Variants in CACNA1B observed in about 807,000 individuals in gnomAD.
CACNA1B encodes the protein calcium voltage-gated channel subunit alpha1 B.
In CACNA1B, 70 loss-of-function variants were observed where a neutral mutation model predicts 247.2. The ratio of observed to expected loss-of-function variants is 0.28; its 90% CI spans 0.23 to 0.35. CACNA1B has a LOEUF of 0.35. Among genes scored for constraint, CACNA1B ranks in the 10% least tolerant of loss-of-function variants. The pLI, the probability that CACNA1B is intolerant of heterozygous loss-of-function variation, is 1.00. For synonymous variants in CACNA1B, 1,231 were observed against 1,294.4 expected (o/e 0.95, Z 1.05); for missense variants, 2,367 against 3,197.4 (o/e 0.74, Z 6.26).
chr9:138,120,992 TC>T, intron 46 of CACNA1B, 111 bp downstream of exon 46: 1 of 1,298,132 alleles, frequency 7.7e-7, no homozygotes, highest in Non-Finnish European at 1.0e-6. Flanking sequence ...CCTTTGTCAT[TC>T]CCAGCAACCC....
chr9:137,987,887 G>A (rs1276648884), intron 15 of CACNA1B, among the ~76,000 whole-genome samples: 1 of 152,220 alleles, frequency 6.6e-6, no homozygotes, highest in Non-Finnish European at 1.5e-5. Context: ...CTGCCAGGCA[G>A]AGCCAGCTCT....
intron 20 of CACNA1B, among the ~76,000 whole-genome samples, chr9:138,033,777 G>A (rs539256610): frequency 5.3e-5 from 8 of 152,236 alleles, no homozygotes; most frequent in Admixed American, 1.3e-4. Context: ...ATCCTATCTC[G>A]TGAGACTCAC....
intron 20 of CACNA1B, among the ~76,000 whole-genome samples, chr9:138,038,537 TC>T (rs546891701): frequency 4.7e-4 from 72 of 152,218 alleles, no homozygotes; most frequent in African/African-American, 1.7e-3. Context: ...GGAGTTTGCA[TC>T]CCCCAAGGTG....
rs528123963 is a variant in CACNA1B, at chr9:137,947,215, G to A, written c.967-5059G>A. 2.0e-5 allele frequency among the ~76,000 whole-genome samples: 3 copies of A among 152,296 alleles called. No individual in the cohort carries two copies. The South Asian group carries it at 6.2e-4, about 32-fold the overall frequency. ...TAAAGTTAAACCCTATGCTAATGAA[G>A]ACTTGGCCCACGAGCAGCCTGATTG... On this transcript the variant is annotated intron_variant, in intron 6 of 46. Transcript: ENST00000371372.
chr9:138,024,245 T>C (rs1589075904), intron 19 of CACNA1B, among the ~76,000 whole-genome samples: 1 of 151,792 alleles, frequency 6.6e-6, no homozygotes, highest in Non-Finnish European at 1.5e-5. Flanking sequence ...CAGAGCGGGG[T>C]GTGGGGGCCA....
chr9:138,099,539 A>C (rs1961180445), intron 37 of CACNA1B, among the ~76,000 whole-genome samples: 1 of 143,958 alleles, frequency 6.9e-6, no homozygotes, highest in Admixed American at 6.9e-5. Context: ...CTGTGTGTGC[A>C]TGTGCCTTTG....
chr9:138,085,328 TAGTA>T (rs769397947), intron 36 of CACNA1B, among the ~76,000 whole-genome samples: 14 of 150,600 alleles, frequency 9.3e-5, no homozygotes, highest in African/African-American at 9.9e-5. Context: ...CATTTGAAAT[TAGTA>T]AGAGGGAAAG....
At chr9:137,964,017 C>A (rs1196209807) in intron 10 of CACNA1B, among the ~76,000 whole-genome samples, 1 of 152,166 alleles carries the variant, frequency 6.6e-6, no homozygotes, top group African/African-American at 2.4e-5. Context: ...GAATATTGGC[C>A]CCCAATCTCT....
At chr9:137,885,286 G>T (rs1257868873) in intron 3 of CACNA1B, among the ~76,000 whole-genome samples, 3 of 152,032 alleles carry the variant, frequency 2.0e-5, no homozygotes, top group Non-Finnish European at 4.4e-5. Flanking sequence ...TGCTGCTCTC[G>T]TGTGGGGCAC....
At chr9:138,066,927 A>G (rs1259300767) in intron 31 of CACNA1B, among the ~76,000 whole-genome samples, 2 of 152,212 alleles carry the variant, frequency 1.3e-5, no homozygotes, top group African/African-American at 4.8e-5. Flanking sequence ...GAGAGAATCA[A>G]TAAAGTCTAA....
At position 137,974,598 on chromosome 9, in the gene CACNA1B, C is replaced by T. The variant is rs957511934; in HGVS notation, c.1544-1309C>T. On this transcript the variant is annotated intron_variant, in intron 11 of 46. Transcript: ENST00000371372. The surrounding 1 kb of genome is among the most constrained non-coding windows in gnomAD (Gnocchi z 4.5). ...TGCCCCCGACCGAGGCTGTCTGGAC[C>T]TGTGCAGCACAGCCCTTGGTGGAGG... 1.1e-4 allele frequency among the ~76,000 whole-genome samples: 16 copies of T among 152,230 alleles called. No individual in the cohort carries two copies. Among genetic ancestry groups the T allele is most frequent in the Non-Finnish European group, 1.9e-4 (13 of 68,036 alleles).
chr9:138,099,313 G>A (rs891735796), intron 37 of CACNA1B, among the ~76,000 whole-genome samples: 1 of 150,756 alleles, frequency 6.6e-6, no homozygotes, highest in African/African-American at 2.5e-5. Flanking sequence ...GTTGACGTTT[G>A]TGTGTGCACA....
In CACNA1B at chr9:137,888,013, G is replaced by T. The variant is rs1459025605; in HGVS notation, c.530+5130G>T. Among the ~76,000 whole-genome samples, 1 of 151,868 alleles carries T rather than the reference G, an allele frequency of 6.6e-6. No homozygotes were observed. Among genetic ancestry groups the T allele is most frequent in the Admixed American group, 6.5e-5 (1 of 15,270 alleles). On this transcript the variant is annotated intron_variant, in intron 3 of 46. Transcript: ENST00000371372. The surrounding 1 kb of genome is among the most constrained non-coding windows in gnomAD (Gnocchi z 4.7). Reference sequence around the variant, plus strand: ...GGGAGAGGCTGGGAGGGTGGCGGGGGCAGGGGGGCCTTGGCTCGGGCGTTG... The same window carrying T: ...GGGAGAGGCTGGGAGGGTGGCGGGGTCAGGGGGGCCTTGGCTCGGGCGTTG...
rs1959291586 is a variant in CACNA1B, at chr9:138,051,818, T to G, written c.3711-274T>G. On this transcript the variant is annotated intron_variant, in intron 24 of 46. Transcript: ENST00000371372. The surrounding 1 kb of genome is among the most constrained non-coding windows in gnomAD (Gnocchi z 4.3). ...ATCCTGGAATCTGGGGTGGGAGGGG[T>G]GTCAGGGGTGATGGTTCTTCTCCTT... 1.3e-5 allele frequency among the ~76,000 whole-genome samples: 2 copies of G among 151,546 alleles called. No individual in the cohort carries two copies. The highest frequency in any genetic ancestry group is 4.9e-5 in the African/African-American group (2 of 41,190).
At chr9:137,910,831 C>CTG (rs1957352130) in intron 3 of CACNA1B, among the ~76,000 whole-genome samples, 1 of 152,184 alleles carries the variant, frequency 6.6e-6, no homozygotes, top group Non-Finnish European at 1.5e-5. Context: ...CAGTACTGGT[C>CTG]TGTGGCCTGA....
rs757649366 is a variant in CACNA1B, at chr9:137,891,829, G to T, written c.530+8946G>T. 1 of 356,190 alleles carries T rather than the reference G, an allele frequency of 2.8e-6. No individual in the cohort carries two copies. The highest frequency in any genetic ancestry group is 5.6e-6 in the Non-Finnish European group (1 of 179,262). The allele number at this position is 356,190 out of a possible 1,614,324, so 22.1% of individuals were successfully genotyped here. A position where few individuals can be genotyped will look rare whatever the true frequency, so the allele number is the denominator to read the frequency against. On this transcript the variant is annotated intron_variant, in intron 3 of 46. Transcript: ENST00000371372. This position sits in a 1 kb window ranked among gnomAD's most constrained non-coding sequence, Gnocchi z 4.3. ...GCATCTCTACTCCAGCCAGACGGAC[G>T]CTAACGCAGATTCATTCCTAGCAGG...
At chr9:138,035,426 A>G (rs1347574870) in intron 20 of CACNA1B, among the ~76,000 whole-genome samples, 1 of 152,224 alleles carries the variant, frequency 6.6e-6, no homozygotes, top group African/African-American at 2.4e-5. Flanking sequence ...TGATCGTGCC[A>G]CTGCACTTCA....
intron 34 of CACNA1B, 21 bp downstream of exon 34, chr9:138,074,087 C>T: frequency 6.3e-7 from 1 of 1,597,426 alleles, no homozygotes; most frequent in Non-Finnish European, 8.6e-7. Context: ...CCCTTTGGGA[C>T]AGAGCGTGGT....
intron 6 of CACNA1B, among the ~76,000 whole-genome samples, chr9:137,921,639 CTG>C (rs1957480985): frequency 2.6e-5 from 1 of 37,956 alleles, no homozygotes; most frequent in Non-Finnish European, 5.2e-5. Context: ...TTCGGAGAAC[CTG>C]ATCAGCACCA....
Sources: gnomAD v4.1 joint callset for allele counts (sites outside exome capture counted in the v4.1 genomes callset) on GRCh38, gnomAD v4.1.1 for gene constraint, Gnocchi (gnomAD v3.1) non-coding constraint, MANE v1.5 for transcripts, NCBI Gene and HGNC (gene_info 2026-07-23, HGNC 2026-07-21) for gene names.